Variants in UGGT1 observed in about 807,000 individuals in gnomAD.
UGGT1 encodes UDP-glucose:glycoprotein glucosyltransferase 1.
UGGT1 carries 107 observed loss-of-function variants against 203.9 expected under a neutral mutation model. The ratio of observed to expected loss-of-function variants is 0.52; its 90% CI spans 0.45 to 0.62. UGGT1 has a LOEUF of 0.62. Ranked by LOEUF, UGGT1 falls within the 20% of genes least tolerant of loss-of-function variation. The pLI, the probability that UGGT1 is intolerant of heterozygous loss-of-function variation, is 0.00. For missense variants in UGGT1, 1,673 were observed against 1,867.2 expected, an observed-to-expected ratio of 0.90 and a Z score of 1.92; for synonymous variants, 628 against 653.5, an observed-to-expected ratio of 0.96 and a Z score of 0.59.
chr2:128,093,689 C>T (rs1247869690), intron 1 of UGGT1, among the ~76,000 whole-genome samples: 1 of 152,150 alleles, frequency 6.6e-6, no homozygotes, highest in Non-Finnish European at 1.5e-5. Flanking sequence ...TTTTGTAAAG[C>T]CAGAGAACCA....
chr2:128,109,685 C>A lies in UGGT1; in HGVS notation c.460C>A (p.His154Asn). ...AGGATGTAATTCGTTTTTTTCAGTG[C>A]ATGGAAAGAAGACTTGTGAATCTGA... is the stretch of plus-strand genomic sequence containing the variant. ...PEGCNSFFSV[H>N]GKKTCESDTL... The change falls in exon 5 of 41, where the codon CAT becomes AAT. Residue 154 changes from histidine to asparagine, a missense_variant. By Grantham distance (68) the His-to-Asn change is moderately conservative. This residue lies in a region of UGGT1 where 1,073 missense variants were observed against 1,078.7 expected (regional missense o/e 0.99). Coordinates refer to ENST00000259253, the MANE Select transcript of UGGT1 (RefSeq NM_020120.4). The A allele has an allele frequency of 6.2e-7, 1 of 1,614,044 alleles. No homozygotes were observed. Among genetic ancestry groups the A allele is most frequent in the Non-Finnish European group, 8.5e-7 (1 of 1,179,996 alleles).
chr2:128,169,003 C>T (rs1354719657), intron 26 of UGGT1, among the ~76,000 whole-genome samples: 5 of 129,754 alleles, frequency 3.9e-5, no homozygotes, highest in African/African-American at 1.2e-4. Context: ...ACCGAGATCA[C>T]GCCACTATAC....
chr2:128,117,421 T>C (rs1046701593), intron 8 of UGGT1, among the ~76,000 whole-genome samples: 1 of 152,196 alleles, frequency 6.6e-6, no homozygotes, highest in South Asian at 2.1e-4. Context: ...ATTTGCTTTA[T>C]GTGAAAGGAA....
In UGGT1 at chr2:128,152,831, G is replaced by C. The variant is rs1335933088; in HGVS notation, c.2064G>C (p.Gln688His). The C allele has an allele frequency of 1.2e-6, 2 of 1,613,664 alleles. No individual in the cohort carries two copies. The highest frequency in any genetic ancestry group is 3.3e-5 in the Admixed American group (2 of 59,958). ...ATGTGGTAGAGTATATCATGAATCA[G>C]CCAAATGTTGTTCCACGAATCAATT... Reference protein sequence around the residue: ...DQDVVEYIMNQPNVVPRINSR... With the variant: ...DQDVVEYIMNHPNVVPRINSR... The change falls in exon 19 of 41, where the codon CAG (glutamine) becomes CAC (histidine). Residue 688 changes from glutamine (Q) to histidine (H), a missense_variant. Gln to His is a conservative substitution (Grantham distance 24, BLOSUM62 0). Coordinates refer to ENST00000259253, the MANE Select transcript of UGGT1 (RefSeq NM_020120.4).
At chr2:128,107,905 G>A (rs528583980) in intron 3 of UGGT1, 33 bp from the exon 4 acceptor site, 1 of 1,613,030 alleles carries the variant, frequency 6.2e-7, no homozygotes, top group East Asian at 2.2e-5. Context: ...CTAGTCATAC[G>A]CAATTACTTT....
chr2:128,098,639 A>C (rs1687223373), intron 2 of UGGT1, among the ~76,000 whole-genome samples: 1 of 151,830 alleles, frequency 6.6e-6, no homozygotes, highest in Non-Finnish European at 1.5e-5. Context: ...AGTCCCAGCT[A>C]CTTGGGAGGC....
chr2:128,153,246 C>A (rs528285462), intron 19 of UGGT1, among the ~76,000 whole-genome samples: 2 of 152,200 alleles, frequency 1.3e-5, no homozygotes, highest in African/African-American at 4.8e-5. Context: ...TCTCTTTCTT[C>A]ATCCTCATTC....
At chr2:128,102,769 C>T (rs560057638) in intron 2 of UGGT1, among the ~76,000 whole-genome samples, 2 of 152,158 alleles carry the variant, frequency 1.3e-5, no homozygotes, top group African/African-American at 4.8e-5. Context: ...TTAGTTCTCA[C>T]CACACTGGTG....
rs750551793 is a variant in UGGT1, at chr2:128,134,862, CCTTT to C, written c.1498-10_1498-7del. 7 of 1,610,840 alleles carry C rather than the reference CCTTT, an allele frequency of 4.3e-6. No homozygotes were observed. On this transcript the variant is annotated splice_polypyrimidine_tract_variant and intron_variant, in intron 14 of 40. Transcript: ENST00000259253. ...AAATGTCATTTCATGTGTTCTTTTC[CCTTT>C]CTTCAACAGGTTTTCATAGTTGATC... is the stretch of plus-strand genomic sequence containing the variant.
At chr2:128,092,621 T>TTTTTC (rs1190997246) in intron 1 of UGGT1, among the ~76,000 whole-genome samples, 4 of 150,274 alleles carry the variant, frequency 2.7e-5, no homozygotes, top group Non-Finnish European at 5.9e-5. Flanking sequence ...TTTTTTTTTT[T>TTTTTC]TGAGATGGAG....
intron 24 of UGGT1, among the ~76,000 whole-genome samples, chr2:128,160,795 C>T (rs1452056463): frequency 6.6e-6 from 1 of 152,182 alleles, no homozygotes; most frequent in Non-Finnish European, 1.5e-5. Flanking sequence ...ATGGAGCCTT[C>T]CTGCTGTCGG....
intron 15 of UGGT1, among the ~76,000 whole-genome samples, chr2:128,136,102 A>C (rs1233033202): frequency 6.6e-6 from 1 of 152,178 alleles, no homozygotes; most frequent in Non-Finnish European, 1.5e-5. Flanking sequence ...AAGGCACTTG[A>C]ACTCCTAGGC....
At chr2:128,155,758 A>G (rs573517031) in intron 20 of UGGT1, among the ~76,000 whole-genome samples, 171 bp downstream of exon 20, 1 of 152,170 alleles carries the variant, frequency 6.6e-6, no homozygotes, top group South Asian at 2.1e-4. Context: ...AATTCTTTGT[A>G]TATTTGTTGA....
At chr2:128,128,067 C>T (rs1368214671) in intron 12 of UGGT1, among the ~76,000 whole-genome samples, 5 of 151,834 alleles carry the variant, frequency 3.3e-5, no homozygotes, top group Non-Finnish European at 7.4e-5. Context: ...GAGTGAGAAT[C>T]CATCTCAAAA....
chr2:128,093,871 T>G (rs563527720), intron 1 of UGGT1, among the ~76,000 whole-genome samples: 1 of 152,370 alleles, frequency 6.6e-6, no homozygotes, highest in South Asian at 2.1e-4. Flanking sequence ...GGCATCATGC[T>G]GTGCACTTTG....
chr2:128,174,971 G>A, intron 31 of UGGT1, 113 bp downstream of exon 31: 1 of 841,642 alleles, frequency 1.2e-6, no homozygotes, highest in South Asian at 1.9e-5. Context: ...ATTTGCAGTT[G>A]TATGTGATGA....
In UGGT1 at chr2:128,190,657, C is replaced by T. The variant is rs1054001857; in HGVS notation, c.*915C>T. 1 of 152,272 alleles carries T rather than the reference C, an allele frequency of 6.6e-6. No individual in the cohort carries two copies. The highest frequency in any genetic ancestry group is 1.5e-5 in the Non-Finnish European group (1 of 68,082). The allele number at this position is 152,272 out of a possible 1,614,324, so 9.4% of individuals were successfully genotyped here. The stretch of plus-strand genomic sequence containing the variant: ...CAGCCATACTCAGCCCCTCTCGCAT[C>T]CAGCCCGTCAGGGTCAGGGTCAGGG... On this transcript the variant is annotated 3_prime_UTR_variant, in exon 41 of 41. Transcript: ENST00000259253.
Position 128,120,443 on chromosome 2 carries a change from T to C in UGGT1, c.960T>C (p.Val320=), listed in dbSNP as rs777052701. 3 of 1,613,770 alleles carry C rather than the reference T, an allele frequency of 1.9e-6. No homozygotes were observed. Among genetic ancestry groups the C allele is most frequent in the Admixed American group, 3.3e-5 (2 of 59,934 alleles). ...CCAATGAAATGGCACCTTTAAAGGTTTGGCAGTTGCAAGGTAATGAAAACA... is the reference window on the plus strand; with the variant it reads ...CCAATGAAATGGCACCTTTAAAGGTCTGGCAGTTGCAAGGTAATGAAAACA... ...ESTNEMAPLK[V]WQLQDLSFQT... Residue 320 remains valine, a synonymous_variant, in exon 9 of 41, where the codon GTT becomes GTC. Coordinates refer to ENST00000259253, the MANE Select transcript of UGGT1 (RefSeq NM_020120.4).
intron 26 of UGGT1, 57 bp from the exon 27 acceptor site, chr2:128,170,227 CAAAA>C (rs1205829338): frequency 6.9e-7 from 1 of 1,450,564 alleles, no homozygotes; most frequent in African/African-American, 1.4e-5. Context: ...TTATATTGTA[CAAAA>C]AAAACTTTTG....
Sources: gnomAD v4.1 joint callset for allele counts (sites outside exome capture counted in the v4.1 genomes callset) on GRCh38, gnomAD v4.1.1 for gene constraint, gnomAD v4.1.1 regional missense constraint, MANE v1.5 for transcripts, NCBI Gene and HGNC (gene_info 2026-07-23, HGNC 2026-07-21) for gene names.